ZNF701: variants seen among roughly 807,000 people sequenced by gnomAD.
ZNF701 encodes the protein zinc finger protein 701.
Under a neutral mutation model 7.1 loss-of-function variants are expected in ZNF701, and 6 were observed. That is an observed-to-expected ratio of 0.84 (90% confidence interval 0.46 to 1.66). The LOEUF is 1.66. ZNF701 is among the 40% of genes most tolerant of loss of function. The pLI is 0.01. For missense variants in ZNF701, 541 were observed against 559.2 expected, an observed-to-expected ratio of 0.97 and a Z score of 0.33; for synonymous variants, 166 against 188.2, an observed-to-expected ratio of 0.88 and a Z score of 0.97.
In ZNF701 at chr19:52,582,897, A is replaced by T. The variant is rs201260144; in HGVS notation, c.838A>T (p.Ser280Cys). Residue 280 changes from serine (S) to cysteine (C), a missense_variant, in exon 4 of 4, where the codon AGT (serine) becomes TGT (cysteine). Ser to Cys is a moderately radical substitution (Grantham distance 112). Coordinates refer to ENST00000391785, the MANE Select transcript of ZNF701 (RefSeq NM_018260.3). ...YTCNECGKTF[S>C]HNSALLVHKA... is the part of the protein sequence containing the mutation. ...GTGTAATGAGTGTGGCAAGACATTC[A>T]GTCACAATTCAGCCCTGTTAGTTCA... is the stretch of plus-strand genomic sequence containing the variant. 9 of 1,613,030 alleles carry T rather than the reference A, an allele frequency of 5.6e-6. No individual in the cohort carries two copies. The East Asian group carries it at 6.7e-5, about 12-fold the overall frequency.
chr19:52,580,454 T>A (rs1447194973), intron 3 of ZNF701, among the ~76,000 whole-genome samples: 1 of 152,090 alleles, frequency 6.6e-6, no homozygotes, highest in African/African-American at 2.4e-5. Flanking sequence ...GTCGAACTTC[T>A]GACCTCATGA....
chr19:52,587,963 C>T (rs8103958), downstream of ZNF701, among the ~76,000 whole-genome samples: 11,077 of 152,148 alleles, frequency 0.073, 459 homozygotes, highest in African/African-American at 0.11. Flanking sequence ...TTGGTTAGGG[C>T]CAGATCTGTG....
At position 52,586,433 on chromosome 19, in the gene ZNF701, C is replaced by G. The variant is rs2060012260; in HGVS notation, c.*2976C>G. ...AGCACTTTGTGAGGCCGATTCTCCT[C>G]TATCCAGGAGACGGGTTTCACCATT... On this transcript the variant is annotated 3_prime_UTR_variant, in exon 4 of 4. Transcript: ENST00000391785. The G allele has an allele frequency of 6.6e-6, 1 of 152,176 alleles. No individual in the cohort carries two copies. The highest frequency in any genetic ancestry group is 1.5e-5 in the Non-Finnish European group (1 of 68,044). The allele number at this position is 152,176 out of a possible 1,614,324, so 9.4% of individuals were successfully genotyped here. A position where few individuals can be genotyped will look rare whatever the true frequency, so the allele number is the denominator to read the frequency against.
chr19:52,576,004 G>A lies in ZNF701; in HGVS notation c.125G>A (p.Arg42Lys), dbSNP rs773538556. Residue 42 changes from arginine (R) to lysine (K), a missense_variant, in exon 3 of 4, where the codon AGG (arginine) becomes AAG (lysine). Coordinates refer to ENST00000391785, the MANE Select transcript of ZNF701 (RefSeq NM_018260.3). ...LYRDVMLENY[R>K]NLVSLDTSSK... is the part of the protein sequence containing the mutation. ...AGAGACGTGATGCTGGAGAATTATA[G>A]GAACCTGGTCTCCCTGGGTGAGGAT... The A allele has an allele frequency of 9.9e-5, 156 of 1,579,838 alleles. 1 individual carries two copies. The Middle Eastern group carries it at 1.0e-3, about 10-fold the overall frequency.
downstream of ZNF701, among the ~76,000 whole-genome samples, chr19:52,591,736 A>AGG (rs1479633830): frequency 9.2e-5 from 14 of 152,280 alleles, no homozygotes; most frequent in African/African-American, 3.1e-4. Context: ...TTGTACTTTT[A>AGG]GTAGAGATGG....
downstream of ZNF701, among the ~76,000 whole-genome samples, chr19:52,591,723 G>A (rs966403639): frequency 1.3e-5 from 2 of 152,092 alleles, no homozygotes; most frequent in Non-Finnish European, 2.9e-5. Context: ...GCCCAGCTAA[G>A]TTTTGTACTT....
At chr19:52,572,142 C>T in intron 1 of ZNF701, 3 of 289,980 alleles carry the variant, frequency 1.0e-5, no homozygotes, top group South Asian at 2.7e-5. Context: ...CCACCTTTAC[C>T]TCCCGGTTTT....
At chr19:52,579,930 T>A (rs1040282208) in intron 3 of ZNF701, among the ~76,000 whole-genome samples, 1 of 141,926 alleles carries the variant, frequency 7.0e-6, no homozygotes, top group South Asian at 2.1e-4. Flanking sequence ...AAAAACTACT[T>A]CTCCTCTAGA....
Position 52,582,223 on chromosome 19 carries a change from TGAA to T in ZNF701, c.167_169del (p.Lys56del), listed in dbSNP as rs1470956528. 1 of 1,584,038 alleles carries T rather than the reference TGAA, an allele frequency of 6.3e-7. No individual in the cohort carries two copies. The highest frequency in any genetic ancestry group is 1.4e-5 in the African/African-American group (1 of 73,772). ...GTAGATACCTCTTCCAAATGCATGA[TGAA>T]GATGTTCTCATCAACAGGACAAGGC... On this transcript the variant is annotated inframe_deletion, in exon 4 of 4. Transcript: ENST00000391785.
intron 1 of ZNF701, chr19:52,570,751 G>A (rs2059892391): frequency 6.6e-6 from 1 of 152,264 alleles, no homozygotes; most frequent in South Asian, 2.1e-4. Context: ...GGATCTTGTG[G>A]ACCCCACCGA....
At chr19:52,580,678 C>T (rs1368081432) in intron 3 of ZNF701, among the ~76,000 whole-genome samples, 3 of 152,126 alleles carry the variant, frequency 2.0e-5, no homozygotes, top group Non-Finnish European at 4.4e-5. Context: ...GTTTACAATT[C>T]TGCAGGCTGC....
intron 1 of ZNF701, chr19:52,572,712 C>T (rs2059908941): frequency 2.9e-6 from 1 of 349,764 alleles, no homozygotes; most frequent in Admixed American, 4.2e-5. Context: ...CCATGGGCTT[C>T]CTGTGTTCCC....
chr19:52,594,680 T>C, the ZNF701 span, among the ~76,000 whole-genome samples: 1 of 151,758 alleles, frequency 6.6e-6, no homozygotes, highest in Non-Finnish European at 1.5e-5. Context: ...AGCCCGGCTA[T>C]TTCTGTATTT....
At chr19:52,596,468 GA>G in the ZNF701 span, 2 of 440,782 alleles carry the variant, frequency 4.5e-6, no homozygotes, top group African/African-American at 4.1e-5. Flanking sequence ...TAAGGTTTGT[GA>G]CAAGGCTTTC....
rs1171639960 is a variant in ZNF701, at chr19:52,583,125, T to G, written c.1066T>G (p.Cys356Gly). Residue 356 changes from cysteine (C) to glycine (G), a missense_variant, in exon 4 of 4, where the codon TGT (cysteine) becomes GGT (glycine). Coordinates refer to ENST00000391785, the MANE Select transcript of ZNF701 (RefSeq NM_018260.3). The part of the protein sequence containing the change: ...RIHTGEKPYK[C>G]KVCDKAFRRD... ...TCACACTGGAGAGAAACCATACAAA[T>G]GTAAGGTTTGTGACAAGGCTTTCAG... is the stretch of plus-strand genomic sequence containing the variant. 6.2e-7 allele frequency: 1 copy of G among 1,613,672 alleles called. No individual in the cohort carries two copies. Among genetic ancestry groups the G allele is most frequent in the African/African-American group, 1.3e-5 (1 of 74,874 alleles).
At chr19:52,588,593 C>T, downstream of ZNF701, 1 of 399,620 alleles carries the variant, frequency 2.5e-6, no homozygotes. Flanking sequence ...AGAAAAGGAG[C>T]CAGGGACGGC....
chr19:52,579,022 A>C (rs2059957405), intron 3 of ZNF701, among the ~76,000 whole-genome samples: 1 of 148,326 alleles, frequency 6.7e-6, no homozygotes, highest in East Asian at 2.0e-4. Context: ...CTGGGATTAC[A>C]GACGTGAGCC....
At chr19:52,596,033 A>ACTTAATAGAAATATGGG in the ZNF701 span, 2 of 1,474,166 alleles carry the variant, frequency 1.4e-6, no homozygotes, top group Non-Finnish European at 1.9e-6. Context: ...CAAAACCCAT[A>ACTTAATAGAAATATGGG]TTTCTATTAA....
chr19:52,594,593 A>T, the ZNF701 span, among the ~76,000 whole-genome samples: 3 of 151,492 alleles, frequency 2.0e-5, no homozygotes, highest in African/African-American at 7.3e-5. Context: ...GGCTCACTGC[A>T]ACCCCCACCT....
Sources: gnomAD v4.1 joint callset for allele counts (sites outside exome capture counted in the v4.1 genomes callset) on GRCh38, gnomAD v4.1.1 for gene constraint, MANE v1.5 for transcripts, NCBI Gene and HGNC (gene_info 2026-07-23, HGNC 2026-07-21) for gene names.